The following DOCK7 variants were observed in gnomAD, a reference collection of about 807,000 sequenced individuals.
The protein encoded by DOCK7 is dedicator of cytokinesis protein 7.
Under a neutral mutation model 271.0 loss-of-function variants are expected in DOCK7, and 138 were observed. The observed-to-expected ratio is 0.51, with a 90% CI of 0.44 to 0.59. The LOEUF (loss-of-function observed/expected upper bound fraction) is 0.59, where lower values mean the gene tolerates loss of function less well. Among genes scored for constraint, DOCK7 ranks in the 20% least tolerant of loss-of-function variants. The pLI, the probability that DOCK7 is intolerant of heterozygous loss-of-function variation, is 0.00. For synonymous variants in DOCK7, 823 were observed against 876.1 expected, an observed-to-expected ratio of 0.94 and a Z score of 1.07; for missense variants, 2,066 against 2,592.4, an observed-to-expected ratio of 0.80 and a Z score of 4.41.
chr1:62,517,748 CATTGCTAGAAGGAATATAT>C (rs1237809127), intron 31 of DOCK7, among the ~76,000 whole-genome samples: 1 of 152,160 alleles, frequency 6.6e-6, no homozygotes, highest in African/African-American at 2.4e-5. Context: ...AATATTTCTT[CATTGCTAGAAGGAATATAT>C]ATTGCTAGAA....
intron 16 of DOCK7, among the ~76,000 whole-genome samples, chr1:62,580,844 T>G (rs1310785104): frequency 6.6e-6 from 1 of 152,220 alleles, no homozygotes; most frequent in Non-Finnish European, 1.5e-5. Flanking sequence ...GGTTTTTACA[T>G]TTTTAAATGA....
intron 14 of DOCK7, among the ~76,000 whole-genome samples, chr1:62,595,887 C>A (rs999971676): frequency 1.3e-5 from 2 of 152,056 alleles, no homozygotes; most frequent in Non-Finnish European, 1.5e-5. Flanking sequence ...TATGATCATG[C>A]CACTGCACTC....
At chr1:62,551,793 T>G (rs1311811840) in intron 22 of DOCK7, among the ~76,000 whole-genome samples, 1 of 151,280 alleles carries the variant, frequency 6.6e-6, no homozygotes, top group East Asian at 1.9e-4. Flanking sequence ...TATTTATATA[T>G]TTGTATATAT....
At chr1:62,561,081 C>CA in intron 19 of DOCK7, among the ~76,000 whole-genome samples, 1 of 152,176 alleles carries the variant, frequency 6.6e-6, no homozygotes, top group South Asian at 2.1e-4. Context: ...GGTAAGATGA[C>CA]ATACAGTAAT....
At position 62,477,723 on chromosome 1, in the gene DOCK7, C is replaced by G; in HGVS notation, c.5611G>C (p.Ala1871Pro). 1 of 1,607,224 alleles carries G rather than the reference C, an allele frequency of 6.2e-7. No homozygotes were observed. The highest frequency in any genetic ancestry group is 8.5e-7 in the Non-Finnish European group (1 of 1,177,982). Reference sequence around the variant, plus strand: ...ACCTCCAATCTGTGAGATATCTCTGCAAGTTTGGTTATTGCAGGCTCCTTG... The same window carrying G: ...ACCTCCAATCTGTGAGATATCTCTGGAAGTTTGGTTATTGCAGGCTCCTTG... ...VYKEPAITKLAEISHRLEGFY... is the reference protein window; with the variant it reads ...VYKEPAITKLPEISHRLEGFY... Residue 1871 changes from alanine (A) to proline (P), a missense_variant, in exon 44 of 50, where the codon GCA (alanine) becomes CCA (proline). This residue lies in a region of DOCK7 where 652 missense variants were observed against 922.1 expected (regional missense o/e 0.71). Coordinates refer to ENST00000635253, the MANE Select transcript of DOCK7 (RefSeq NM_001367561.1).
rs760130286 is a variant in DOCK7, at chr1:62,601,787, C to T, written c.1683-15163G>A. The T allele has an allele frequency of 1.9e-6, 3 of 1,608,358 alleles. No individual in the cohort carries two copies. In the South Asian group the frequency reaches 3.3e-5, roughly 18 times the overall value. ...ATTCTAGGCATTCCTGCTGAATGTA[C>T]CACCATTTATAACAGAGGTGAACAT... On this transcript the variant is annotated intron_variant, in intron 14 of 49. Transcript: ENST00000635253.
At chr1:62,631,464 T>A (rs1654618635) in intron 10 of DOCK7, 59 bp from the exon 11 acceptor site, 10 of 1,375,428 alleles carry the variant, frequency 7.3e-6, no homozygotes, top group Non-Finnish European at 8.8e-6. Context: ...AGTTAAAGGC[T>A]ATTTCATACT....
At chr1:62,676,095 T>A (rs1267062972) in intron 1 of DOCK7, among the ~76,000 whole-genome samples, 3 of 152,216 alleles carry the variant, frequency 2.0e-5, no homozygotes, top group Non-Finnish European at 4.4e-5. Flanking sequence ...TTATTCCTAT[T>A]GGCACTATTC....
chr1:62,655,061 A>G (rs1657831943), intron 2 of DOCK7, among the ~76,000 whole-genome samples: 4 of 152,204 alleles, frequency 2.6e-5, no homozygotes. Context: ...TTTTGTTTTA[A>G]GCCACCCAGT....
chr1:62,547,028 A>C (rs187232433), intron 22 of DOCK7, among the ~76,000 whole-genome samples: 2 of 152,172 alleles, frequency 1.3e-5, no homozygotes, highest in South Asian at 4.1e-4. Flanking sequence ...TTCCACAAAA[A>C]GAATAAGAAC....
chr1:62,681,636 T>G (rs369653741), intron 1 of DOCK7, among the ~76,000 whole-genome samples: 4 of 152,054 alleles, frequency 2.6e-5, no homozygotes, highest in African/African-American at 9.6e-5. Context: ...CTCATGCATA[T>G]GTATACCTGA....
intron 1 of DOCK7, among the ~76,000 whole-genome samples, chr1:62,671,050 G>C (rs1448047327): frequency 2.0e-5 from 3 of 151,908 alleles, no homozygotes; most frequent in Admixed American, 6.6e-5. Context: ...CTTAAGAGCT[G>C]TAACACTCAC....
At chr1:62,477,261 T>G (rs1479380722) in intron 44 of DOCK7, 1 of 152,902 alleles carries the variant, frequency 6.5e-6, no homozygotes, top group Admixed American at 6.5e-5. Context: ...TTTTAAGGTG[T>G]GATTTCAGGC....
chr1:62,551,438 G>C (rs2149418968), intron 22 of DOCK7, among the ~76,000 whole-genome samples: 1 of 152,134 alleles, frequency 6.6e-6, no homozygotes, highest in African/African-American at 2.4e-5. Context: ...AGCTGTCCTG[G>C]GCCACATGTG....
intron 14 of DOCK7, chr1:62,598,120 A>T (rs961952858): frequency 1.2e-5 from 18 of 1,460,334 alleles, no homozygotes; most frequent in East Asian, 2.4e-5. Flanking sequence ...TTTTAAAAAA[A>T]ATATTTCTAA....
At position 62,505,474 on chromosome 1, in the gene DOCK7, G is replaced by T. The variant is rs6669089; in HGVS notation, c.4611+208C>A. On this transcript the variant is annotated intron_variant, in intron 36 of 49. Transcript: ENST00000635253. ...TTTCAAACCAGAACTGGTTAAAGGT[G>T]ATTCGAATAAATGAAAAATTCTAAA... 8.5e-3 allele frequency among the ~76,000 whole-genome samples: 1,296 copies of T among 152,240 alleles called. 5 individuals carry two copies. The highest frequency in any genetic ancestry group is 0.013 in the Non-Finnish European group (894 of 68,012).
rs766932125 is a variant in DOCK7 at position 62,602,417 on chromosome 1, A to C, written c.1683-15793T>G. 5.7e-6 allele frequency: 9 copies of C among 1,565,594 alleles called. No homozygotes were observed. The Admixed American group carries it at 1.5e-4, about 26-fold the overall frequency. ...ACATTCAATCATTCATTCACTTGCTAATCTACAAATATTTACTGAGAACCT... is the reference window on the plus strand; with the variant it reads ...ACATTCAATCATTCATTCACTTGCTCATCTACAAATATTTACTGAGAACCT... On this transcript the variant is annotated intron_variant, in intron 14 of 49. Transcript: ENST00000635253.
chr1:62,650,805 G>T (rs1395022235), intron 4 of DOCK7, among the ~76,000 whole-genome samples: 1 of 152,122 alleles, frequency 6.6e-6, no homozygotes, highest in Admixed American at 6.5e-5. Context: ...ACAGGTGCTG[G>T]AGAGGATGTG....
rs181120808 is a variant in DOCK7 at position 62,562,666 on chromosome 1, G to A, written c.2113-963C>T. 6.3e-4 allele frequency among the ~76,000 whole-genome samples: 96 copies of A among 152,186 alleles called. 1 individual carries two copies. Among genetic ancestry groups the A allele is most frequent in the African/African-American group, 2.3e-3 (95 of 41,524 alleles). ...ATATAAATGAACATAAAGACTGAAA[G>A]GTAGAGAGAAAAAAGATGATAGGCT... On this transcript the variant is annotated intron_variant, in intron 18 of 49. Coordinates refer to ENST00000635253, the MANE Select transcript of DOCK7 (RefSeq NM_001367561.1).
Sources: allele counts gnomAD v4.1 joint callset (sites outside exome capture counted in the v4.1 genomes callset), GRCh38; gene constraint gnomAD v4.1.1; regional missense constraint gnomAD v4.1.1; transcripts MANE v1.5; gene names NCBI Gene and HGNC (gene_info 2026-07-23, HGNC 2026-07-21).